WBP1L: variants seen among roughly 807,000 people sequenced by gnomAD.
WBP1L encodes the protein WW domain binding protein 1 like.
WBP1L carries 17 observed loss-of-function variants against 33.7 expected under a neutral mutation model. The ratio of observed to expected loss-of-function variants is 0.50; its 90% CI spans 0.34 to 0.76. The LOEUF (loss-of-function observed/expected upper bound fraction) is 0.76, where lower values mean the gene tolerates loss of function less well. WBP1L is among the 30% of genes least tolerant of loss of function. WBP1L has a pLI of 0.01. For missense variants in WBP1L, 389 were observed against 469.4 expected (o/e 0.83, Z 1.58); for synonymous variants, 173 against 190.8 (o/e 0.91, Z 0.77).
chr10:102,798,046 ACACTG>A lies in WBP1L; in HGVS notation c.146_150del (p.His49LeufsTer12). The A allele has an allele frequency of 6.2e-7, 1 of 1,614,178 alleles. No individual in the cohort carries two copies. The highest frequency in any genetic ancestry group is 8.5e-7 in the Non-Finnish European group (1 of 1,180,030). On this transcript the variant is annotated frameshift_variant, in exon 2 of 4. Coordinates refer to ENST00000448841, the MANE Select transcript of WBP1L (RefSeq NM_001083913.2). LOFTEE classifies it high-confidence loss of function. ...ATCAAAGCTACATCTGTGACACAGG[ACACTG>A]CTGTGGACAGTCTCAGTGCTGCAAC...
intron 1 of WBP1L, among the ~76,000 whole-genome samples, chr10:102,760,306 C>G (rs1249863982): frequency 6.6e-6 from 1 of 151,842 alleles, no homozygotes; most frequent in Non-Finnish European, 1.5e-5. Flanking sequence ...TATGTTCCTG[C>G]CTAGTCTTGT....
At chr10:102,784,694 G>A (rs867230392) in intron 1 of WBP1L, among the ~76,000 whole-genome samples, 8 of 151,736 alleles carry the variant, frequency 5.3e-5, no homozygotes, top group South Asian at 2.1e-4. Context: ...CAAAGTGCTG[G>A]GATTACAGGC....
chr10:102,788,839 G>A (rs192070144), intron 1 of WBP1L, among the ~76,000 whole-genome samples: 6 of 152,316 alleles, frequency 3.9e-5, no homozygotes, highest in Non-Finnish European at 5.9e-5. Context: ...GAATAAGTAT[G>A]AGAGTTGCAA....
At chr10:102,798,797 G>T (rs1843610594) in intron 2 of WBP1L, among the ~76,000 whole-genome samples, 1 of 152,200 alleles carries the variant, frequency 6.6e-6, no homozygotes, top group South Asian at 2.1e-4. Flanking sequence ...TGGTCACTAT[G>T]CCATTTTCTT....
At chr10:102,782,213 G>C (rs1173143743) in intron 1 of WBP1L, among the ~76,000 whole-genome samples, 4 of 29,642 alleles carry the variant, frequency 1.3e-4, no homozygotes, top group South Asian at 2.3e-3. Flanking sequence ...GAAAGAAGCT[G>C]CTTTTTTTTT....
At chr10:102,752,352 A>G (rs1415388057) in intron 1 of WBP1L, among the ~76,000 whole-genome samples, 1 of 152,156 alleles carries the variant, frequency 6.6e-6, no homozygotes, top group African/African-American at 2.4e-5. Flanking sequence ...TGTGAAGTGT[A>G]TGAAATAACC....
chr10:102,771,626 G>A (rs1219302843), intron 1 of WBP1L, among the ~76,000 whole-genome samples: 1 of 151,920 alleles, frequency 6.6e-6, no homozygotes, highest in Non-Finnish European at 1.5e-5. Flanking sequence ...TGGCCAACAT[G>A]GTGAAACCCC....
intron 1 of WBP1L, among the ~76,000 whole-genome samples, chr10:102,768,849 G>A (rs1448138137): frequency 2.0e-5 from 3 of 150,586 alleles, no homozygotes; most frequent in Admixed American, 6.6e-5. Flanking sequence ...CACCACGCCC[G>A]GCTAATTTTT....
At chr10:102,787,753 T>C (rs564243201) in intron 1 of WBP1L, among the ~76,000 whole-genome samples, 1 of 152,254 alleles carries the variant, frequency 6.6e-6, no homozygotes, top group East Asian at 1.9e-4. Flanking sequence ...AACAGTTCTC[T>C]TTATTTCCCT....
intron 1 of WBP1L, among the ~76,000 whole-genome samples, chr10:102,786,266 G>A (rs1843413976): frequency 6.6e-6 from 1 of 152,158 alleles, no homozygotes; most frequent in Non-Finnish European, 1.5e-5. Context: ...TATAAATAAT[G>A]TGCCTTGATT....
intron 1 of WBP1L, among the ~76,000 whole-genome samples, chr10:102,794,607 G>A (rs915843527): frequency 2.6e-5 from 4 of 152,094 alleles, no homozygotes; most frequent in Non-Finnish European, 5.9e-5. Flanking sequence ...AAAATTAGCC[G>A]GGTGTGGTGG....
intron 1 of WBP1L, among the ~76,000 whole-genome samples, chr10:102,774,330 C>G (rs1020463681): frequency 1.3e-5 from 2 of 152,114 alleles, no homozygotes; most frequent in African/African-American, 4.8e-5. Flanking sequence ...CTGACCATGT[C>G]TTGAGAATAT....
chr10:102,760,144 G>A (rs1253775652), intron 1 of WBP1L, among the ~76,000 whole-genome samples: 2 of 152,082 alleles, frequency 1.3e-5, no homozygotes, highest in East Asian at 3.9e-4. Context: ...TTGGCCATTT[G>A]TGTATCTTCC....
intron 1 of WBP1L, among the ~76,000 whole-genome samples, chr10:102,778,841 T>G (rs926076000): frequency 1.3e-5 from 2 of 152,186 alleles, no homozygotes; most frequent in Non-Finnish European, 2.9e-5. Context: ...GTATGCACTT[T>G]GATTTATTTT....
chr10:102,761,747 C>T (rs1843044615), intron 1 of WBP1L, among the ~76,000 whole-genome samples: 2 of 151,756 alleles, frequency 1.3e-5, no homozygotes, highest in African/African-American at 4.8e-5. Flanking sequence ...TGGGGTTTCA[C>T]CATGTTGGCC....
At chr10:102,781,065 C>T (rs191454360) in intron 1 of WBP1L, among the ~76,000 whole-genome samples, 1 of 152,208 alleles carries the variant, frequency 6.6e-6, no homozygotes, top group African/African-American at 2.4e-5. Flanking sequence ...GCACAGGGGG[C>T]AACTCCTGGC....
At chr10:102,787,361 G>T (rs763677252) in intron 1 of WBP1L, among the ~76,000 whole-genome samples, 7 of 152,218 alleles carry the variant, frequency 4.6e-5, no homozygotes, top group Non-Finnish European at 8.8e-5. Context: ...GCTGAGGCAG[G>T]AGAATCACTT....
intron 1 of WBP1L, among the ~76,000 whole-genome samples, chr10:102,780,230 T>C (rs1843318546): frequency 6.6e-6 from 1 of 152,220 alleles, no homozygotes; most frequent in Non-Finnish European, 1.5e-5. Flanking sequence ...AAAAAAATGC[T>C]TTTTGTGCTT....
intron 2 of WBP1L, among the ~76,000 whole-genome samples, chr10:102,798,526 C>T (rs1024608360): frequency 1.3e-5 from 2 of 152,074 alleles, no homozygotes; most frequent in Non-Finnish European, 1.5e-5. Context: ...CCGAGTTCAA[C>T]TGATTCTCCT....
Sources: allele counts gnomAD v4.1 joint callset (sites outside exome capture counted in the v4.1 genomes callset), GRCh38; gene constraint gnomAD v4.1.1; transcripts MANE v1.5; gene names NCBI Gene and HGNC (gene_info 2026-07-23, HGNC 2026-07-21).